The following CIB1 variants were observed in gnomAD, a reference collection of about 807,000 sequenced individuals.
The protein encoded by CIB1 is calcium and integrin-binding protein 1.
CIB1 carries 19 observed loss-of-function variants against 25.0 expected under a neutral mutation model. The observed-to-expected ratio is 0.76, with a 90% CI of 0.53 to 1.12. CIB1 has a LOEUF of 1.12. Among genes scored for constraint, CIB1 ranks in the 50% most tolerant of loss-of-function variants. The pLI is 0.00. For missense variants in CIB1, 236 were observed against 242.6 expected (o/e 0.97, Z 0.18); for synonymous variants, 104 against 98.5 (o/e 1.06, Z -0.33).
At chr15:90,240,374 G>A in the CIB1 span, among the ~76,000 whole-genome samples, 2 of 151,368 alleles carry the variant, frequency 1.3e-5, no homozygotes, top group East Asian at 1.9e-4. Context: ...CGGGCCTGGT[G>A]GCGGGTGCCT....
the CIB1 span, chr15:90,265,156 C>T: frequency 1.6e-6 from 2 of 1,237,890 alleles, no homozygotes; most frequent in Non-Finnish European, 2.2e-6. Flanking sequence ...AATTGGGGAT[C>T]GGTAAAGACT....
the CIB1 span, chr15:90,265,056 C>T: frequency 3.6e-4 from 515 of 1,418,318 alleles, no homozygotes; most frequent in African/African-American, 5.7e-3. Context: ...TGACTGCCAC[C>T]AAGTTCCACT....
At chr15:90,230,884 GC>G (rs1272653749) in intron 6 of CIB1, 49 bp downstream of exon 6, 21 of 1,476,478 alleles carry the variant, frequency 1.4e-5, no homozygotes, top group Non-Finnish European at 2.0e-5. Flanking sequence ...CCCAGAGGCA[GC>G]AGGTCGGAAC....
chr15:90,253,199 G>A, the CIB1 span: 2 of 1,499,844 alleles, frequency 1.3e-6, no homozygotes, highest in Non-Finnish European at 1.9e-6. Context: ...CAGTTCCAGG[G>A]CTTGTTGCTG....
the CIB1 span, among the ~76,000 whole-genome samples, chr15:90,261,170 C>T: frequency 6.6e-6 from 1 of 151,172 alleles, no homozygotes; most frequent in Middle Eastern, 3.4e-3. Flanking sequence ...CTTCCACCTC[C>T]TGGGTTCAAA....
the CIB1 span, chr15:90,265,589 C>T: frequency 7.1e-7 from 1 of 1,412,052 alleles, no homozygotes; most frequent in Middle Eastern, 2.5e-4. Flanking sequence ...CTTACCCCCA[C>T]CAAGTGAAGC....
the CIB1 span, chr15:90,259,197 A>G: frequency 2.1e-6 from 1 of 468,128 alleles, no homozygotes; most frequent in African/African-American, 2.0e-5. Flanking sequence ...CTCTGTCCCT[A>G]AAACACAAAA....
At position 90,231,365 on chromosome 15, in the gene CIB1, C is replaced by T. The variant is rs747497642; in HGVS notation, c.338G>A (p.Arg113His). The T allele has an allele frequency of 7.4e-6, 12 of 1,613,686 alleles. No homozygotes were observed. The highest frequency in any genetic ancestry group is 2.2e-5 in the East Asian group (1 of 44,884). The change falls in exon 4 of 7, where the codon CGC becomes CAC. Residue 113 changes from arginine to histidine, a missense_variant. Coordinates refer to ENST00000328649, the MANE Select transcript of CIB1 (RefSeq NM_006384.4). ...CTGCTCCTGGTTCTCACCAAAGATGCGGAAGGCATAATGGGACTTGATGTC... is the reference window on the plus strand; with the variant it reads ...CTGCTCCTGGTTCTCACCAAAGATGTGGAAGGCATAATGGGACTTGATGTC... Reference protein sequence around the residue: ...TPDIKSHYAFRIFDFDDDGTL... With the variant: ...TPDIKSHYAFHIFDFDDDGTL...
Position 90,231,027 on chromosome 15 carries a change from G to C in CIB1, c.466-5C>G, listed in dbSNP as rs1044813. 0.27 allele frequency: 432,433 copies of C among 1,613,294 alleles called. 66,588 individuals carry two copies. The highest frequency in any genetic ancestry group is 0.67 in the East Asian group (30,010 of 44,844). On this transcript the variant is annotated splice_region_variant and splice_polypyrimidine_tract_variant and intron_variant, in intron 5 of 6. Transcript: ENST00000328649. The stretch of plus-strand genomic sequence containing the variant: ...AATGTCAGACTCCTCCAGGATCTGG[G>C]AAAGGGAGAGTTTCAGGCCAGAGCC...
At chr15:90,251,349 C>G in the CIB1 span, among the ~76,000 whole-genome samples, 21 of 143,782 alleles carry the variant, frequency 1.5e-4, no homozygotes, top group Non-Finnish European at 3.0e-4. Context: ...TGGTCTCTAT[C>G]TCCTGACCTT....
At chr15:90,265,357 T>C in the CIB1 span, 1 of 1,228,916 alleles carries the variant, frequency 8.1e-7, no homozygotes, top group Non-Finnish European at 1.0e-6. Context: ...GTCAGAAGAC[T>C]GCCGAGCGGA....
upstream of CIB1, among the ~76,000 whole-genome samples, chr15:90,238,337 T>C (rs1013642634): frequency 6.6e-5 from 10 of 152,170 alleles, no homozygotes; most frequent in Admixed American, 2.6e-4. Flanking sequence ...TTTCTAAGTG[T>C]ATAGTCGTGT....
In CIB1 at chr15:90,230,929, C is replaced by T; in HGVS notation, c.554+5G>A. 3 of 1,612,944 alleles carry T rather than the reference C, an allele frequency of 1.9e-6. No homozygotes were observed. The highest frequency in any genetic ancestry group is 2.5e-6 in the Non-Finnish European group (3 of 1,179,004). ...ACCCAGAATGAAGGGGGACCACTGT[C>T]ATACCTGGCAAAGTCTGGAGAACGG... is the stretch of plus-strand genomic sequence containing the variant. On this transcript the variant is annotated splice_donor_5th_base_variant and intron_variant, in intron 6 of 6. Coordinates refer to ENST00000328649, the MANE Select transcript of CIB1 (RefSeq NM_006384.4).
chr15:90,254,535 G>A, the CIB1 span, among the ~76,000 whole-genome samples: 1 of 145,260 alleles, frequency 6.9e-6, no homozygotes, highest in Non-Finnish European at 1.5e-5. Context: ...AGGGGCATTT[G>A]TAAAATGAGG....
the CIB1 span, chr15:90,265,620 C>T: frequency 6.6e-7 from 1 of 1,512,214 alleles, no homozygotes; most frequent in Non-Finnish European, 9.0e-7. Context: ...TTGCTACTAC[C>T]CAGCCTCCGG....
At chr15:90,230,552 G>A (rs1352799804) in intron 6 of CIB1, 47 bp from the exon 7 acceptor site, 3 of 1,548,438 alleles carry the variant, frequency 1.9e-6, no homozygotes, top group South Asian at 2.4e-5. Context: ...GAGGAGGGCA[G>A]GGACTAAACC....
the CIB1 span, chr15:90,250,791 CA>C: frequency 2.5e-6 from 4 of 1,614,184 alleles, no homozygotes; most frequent in Non-Finnish European, 3.4e-6. Flanking sequence ...GGGGTTCCCT[CA>C]CCCATTATGG....
the CIB1 span, chr15:90,242,587 G>T: frequency 6.7e-6 from 1 of 149,402 alleles, no homozygotes; most frequent in Admixed American, 6.8e-5. Flanking sequence ...GGACTATACA[G>T]GCTCCTGCCA....
At chr15:90,262,666 A>G in the CIB1 span, 565 of 1,484,580 alleles carry the variant, frequency 3.8e-4, no homozygotes, top group Admixed American at 1.1e-3. Context: ...ACTGGGAGAA[A>G]GAGGTGCCAG....
Sources: allele counts gnomAD v4.1 joint callset (sites outside exome capture counted in the v4.1 genomes callset), GRCh38; gene constraint gnomAD v4.1.1; transcripts MANE v1.5; gene names NCBI Gene and HGNC (gene_info 2026-07-23, HGNC 2026-07-21).